A2ML1: variants seen among roughly 807,000 people sequenced by gnomAD.
A2ML1 encodes the protein alpha-2-macroglobulin-like protein 1.
A2ML1 carries 161 observed loss-of-function variants against 181.9 expected under a neutral mutation model. That is an observed-to-expected ratio of 0.89 (90% CI 0.78 to 1.01). The LOEUF (loss-of-function observed/expected upper bound fraction) is 1.01, where lower values mean the gene tolerates loss of function less well. Among genes scored for constraint, A2ML1 ranks in the 50% least tolerant of loss-of-function variants. A2ML1 has a pLI of 0.00. For synonymous variants in A2ML1, 663 were observed against 666.8 expected (o/e 0.99, Z 0.09); for missense variants, 1,670 against 1,768.1 (o/e 0.94, Z 1.00).
At chr12:8,824,229 T>TG (rs1286696959) in intron 3 of A2ML1, among the ~76,000 whole-genome samples, 25 of 146,878 alleles carry the variant, frequency 1.7e-4, no homozygotes, top group African/African-American at 5.8e-4. Context: ...GGGGTTTTTT[T>TG]TTTTTTTTTT....
intron 29 of A2ML1, among the ~76,000 whole-genome samples, chr12:8,864,287 C>A (rs529270444): frequency 1.3e-5 from 1 of 79,098 alleles, no homozygotes; most frequent in Admixed American, 1.5e-4. Flanking sequence ...CCGAGGCAGG[C>A]GGATCACCTG....
Position 8,827,207 on chromosome 12 carries a change from G to T in A2ML1, c.410-2520G>T, listed in dbSNP as rs754904290. 3.3e-5 allele frequency among the ~76,000 whole-genome samples: 5 copies of T among 152,228 alleles called. No homozygotes were observed. In the South Asian group the frequency reaches 1.0e-3, roughly 32 times the overall value. On this transcript the variant is annotated intron_variant, in intron 3 of 35. Transcript: ENST00000299698. The stretch of plus-strand genomic sequence containing the variant: ...AATACCAAATTAGCCAAGCAAGGTG[G>T]CCTGTGCCTGTAATCCCAGCTACTG...
In A2ML1 at chr12:8,850,190, C is replaced by G. The variant is rs1056414386; in HGVS notation, c.2150C>G (p.Ser717Ter). The change falls in exon 18 of 36, where the codon TCA becomes TGA. Residue 717 changes from serine to a stop codon, truncating the protein, a stop_gained. Transcript: ENST00000299698. LOFTEE classifies it high-confidence loss of function. The part of the protein sequence containing the change: ...AGGGHPEAFE[S>*]STPLHQAEDS... ...GGTGGTCATCCAGAGGCTTTTGAGTCATCAACTCCTTTACATCAAGCAGAG... is the reference window on the plus strand; with the variant it reads ...GGTGGTCATCCAGAGGCTTTTGAGTGATCAACTCCTTTACATCAAGCAGAG... The G allele has an allele frequency of 1.9e-6, 3 of 1,612,418 alleles. No individual in the cohort carries two copies. Among genetic ancestry groups the G allele is most frequent in the Non-Finnish European group, 2.5e-6 (3 of 1,179,524 alleles).
In A2ML1 at chr12:8,823,545, T is replaced by C. The variant is rs188471642; in HGVS notation, c.247-175T>C. The stretch of plus-strand genomic sequence containing the variant: ...CACCCACGGTTTCCTCGACCTAGGA[T>C]TTCTCCCTTTAGTTCCTGACCTTAA... On this transcript the variant is annotated intron_variant, in intron 2 of 35. Coordinates refer to ENST00000299698, the MANE Select transcript of A2ML1 (RefSeq NM_144670.6). 520 of 1,077,180 alleles carry C rather than the reference T, an allele frequency of 4.8e-4. 4 individuals carry two copies. Among genetic ancestry groups the C allele is most frequent in the Non-Finnish European group, 5.8e-4 (431 of 747,080 alleles). The allele number at this position is 1,077,180 out of a possible 1,614,324, so 66.7% of individuals were successfully genotyped here. A position where few individuals can be genotyped will look rare whatever the true frequency, so the allele number is the denominator to read the frequency against.
At chr12:8,829,919 G>A in intron 4 of A2ML1, 140 bp downstream of exon 4, 1 of 959,266 alleles carries the variant, frequency 1.0e-6, no homozygotes, top group Non-Finnish European at 1.6e-6. Context: ...CGTGGGACTG[G>A]AAGTGCTGGG....
At chr12:8,860,785 T>C in intron 26 of A2ML1, 96 bp from the exon 27 acceptor site, 1 of 980,450 alleles carries the variant, frequency 1.0e-6, no homozygotes, top group South Asian at 1.4e-5. Flanking sequence ...TAAAAATTAT[T>C]CATCTATTCA....
chr12:8,858,274 T>C lies in A2ML1; in HGVS notation c.3264+172T>C, dbSNP rs148454477. 8.4e-5 allele frequency: 62 copies of C among 741,234 alleles called. No individual in the cohort carries two copies. In the African/African-American group the frequency reaches 1.0e-3, roughly 12 times the overall value. 45.9% of individuals were successfully genotyped at this position (741,234 alleles called of 1,614,324 possible). A position where few individuals can be genotyped will look rare whatever the true frequency, so the allele number is the denominator to read the frequency against. On this transcript the variant is annotated intron_variant, in intron 26 of 35. Coordinates refer to ENST00000299698, the MANE Select transcript of A2ML1 (RefSeq NM_144670.6). ...TAGCTGGTCTGGGCCTCAGTTTTCA[T>C]GTCTGTAGAATGAGAATACAGATGA...
intron 32 of A2ML1, among the ~76,000 whole-genome samples, chr12:8,868,908 G>A (rs183652044): frequency 1.3e-5 from 2 of 152,078 alleles, no homozygotes; most frequent in Admixed American, 6.5e-5. Flanking sequence ...GTACATATAT[G>A]TGTGCATATA....
intron 18 of A2ML1, among the ~76,000 whole-genome samples, chr12:8,850,802 AT>A (rs1219786455): frequency 6.6e-6 from 1 of 152,030 alleles, no homozygotes; most frequent in Non-Finnish European, 1.5e-5. Context: ...CAGTGGCATG[AT>A]TTTGGCTCAC....
intron 33 of A2ML1, among the ~76,000 whole-genome samples, chr12:8,873,765 C>T (rs1015105095): frequency 1.2e-4 from 18 of 152,168 alleles, no homozygotes; most frequent in African/African-American, 4.3e-4. Context: ...AGAAAGCAAA[C>T]CAGTAAGGGG....
At chr12:8,829,934 C>A in intron 4 of A2ML1, 155 bp downstream of exon 4, 3 of 799,530 alleles carry the variant, frequency 3.8e-6, no homozygotes, top group Non-Finnish European at 5.9e-6. Flanking sequence ...GCTGGGCGAG[C>A]TTCAGGGAGC....
chr12:8,868,131 C>G (rs1944485140), intron 30 of A2ML1, 74 bp downstream of exon 30: 2 of 1,608,856 alleles, frequency 1.2e-6, no homozygotes, highest in Admixed American at 3.4e-5. Flanking sequence ...TAGGCCTTCT[C>G]TCTCTCTTTC....
rs1180033000 is a variant in A2ML1, at chr12:8,849,733, C to T, written c.2093C>T (p.Ser698Phe). 6.2e-7 allele frequency: 1 copy of T among 1,614,192 alleles called. No individual in the cohort carries two copies. Among genetic ancestry groups the T allele is most frequent in the Non-Finnish European group, 8.5e-7 (1 of 1,180,030 alleles). The change falls in exon 17 of 36, where the codon TCT becomes TTT. Residue 698 changes from serine (S) to phenylalanine (F), a missense_variant. Transcript: ENST00000299698. The stretch of plus-strand genomic sequence containing the variant: ...AAGCCAGTAGATTGCAGTCACAGAT[C>T]TCCAGAATACAGCACTGCTATGGGT... ...IKKPVDCSHR[S>F]PEYSTAMGAG... is the part of the protein sequence containing the mutation.
intron 33 of A2ML1, among the ~76,000 whole-genome samples, chr12:8,871,614 C>T (rs139443108): frequency 4.3e-4 from 66 of 152,126 alleles, no homozygotes; most frequent in African/African-American, 1.6e-3. Context: ...CGCCTGGCCT[C>T]TAATTATGAT....
downstream of A2ML1, among the ~76,000 whole-genome samples, chr12:8,880,072 AG>A (rs369197460): frequency 4.7e-4 from 72 of 152,324 alleles, no homozygotes; most frequent in African/African-American, 1.6e-3. Context: ...AAGCACAAAA[AG>A]CTACGGAAGG....
In A2ML1 at chr12:8,863,807, C is replaced by T. The variant is rs747281942; in HGVS notation, c.3516C>T (p.Tyr1172=). The T allele has an allele frequency of 5.8e-5, 94 of 1,614,050 alleles. No individual in the cohort carries two copies. Among genetic ancestry groups the T allele is most frequent in the Middle Eastern group, 4.9e-4 (3 of 6,080 alleles). ...CTTTTTCCATAGGAGAATCCATTTA[C>T]TGGAGCCAGAAACCTACTCCATCAT... is the stretch of plus-strand genomic sequence containing the variant. ...QQAIISGESI[Y]WSQKPTPSSN... The change falls in exon 29 of 36, where the codon TAC becomes TAT. Residue 1172 remains tyrosine, a synonymous_variant. Coordinates refer to ENST00000299698, the MANE Select transcript of A2ML1 (RefSeq NM_144670.6).
Position 8,868,212 on chromosome 12 carries a change from C to T in A2ML1, c.3934-18C>T. On this transcript the variant is annotated intron_variant, in intron 30 of 35. Coordinates refer to ENST00000299698, the MANE Select transcript of A2ML1 (RefSeq NM_144670.6). Reference sequence around the variant, plus strand: ...GTTCTTTCCAAGTCTGATTTGGCTACCTATTTCTTCCTACCAGACGGTGTT... The same window carrying T: ...GTTCTTTCCAAGTCTGATTTGGCTATCTATTTCTTCCTACCAGACGGTGTT... 1 of 1,613,582 alleles carries T rather than the reference C, an allele frequency of 6.2e-7. No individual in the cohort carries two copies. Among genetic ancestry groups the T allele is most frequent in the South Asian group, 1.1e-5 (1 of 90,844 alleles).
intron 14 of A2ML1, among the ~76,000 whole-genome samples, chr12:8,847,098 C>CTA: frequency 1.1e-5 from 1 of 93,302 alleles, no homozygotes; most frequent in Non-Finnish European, 2.0e-5. Flanking sequence ...CCATGCCTGG[C>CTA]TTTTTTTTTT....
intron 7 of A2ML1, among the ~76,000 whole-genome samples, chr12:8,885,562 A>G (rs1376701431): frequency 6.6e-6 from 1 of 151,986 alleles, no homozygotes; most frequent in Non-Finnish European, 1.5e-5. Context: ...GGCTCAAGCA[A>G]TCCTCCCACC....
Sources: gnomAD v4.1 joint callset for allele counts (sites outside exome capture counted in the v4.1 genomes callset) on GRCh38, gnomAD v4.1.1 for gene constraint, MANE v1.5 for transcripts, NCBI Gene and HGNC (gene_info 2026-07-23, HGNC 2026-07-21) for gene names.